The following PCDH11X variants were observed in gnomAD, a reference collection of about 807,000 sequenced individuals.
The protein encoded by PCDH11X is protocadherin 11 X-linked.
A neutral mutation model predicts 53.3 loss-of-function variants in PCDH11X; 18 were observed. The observed-to-expected ratio is 0.34, with a 90% CI of 0.23 to 0.50. The LOEUF (loss-of-function observed/expected upper bound fraction) is 0.50. Ranked by LOEUF, PCDH11X falls within the 20% of genes least tolerant of loss-of-function variation. PCDH11X has a pLI of 0.98. For missense variants in PCDH11X, 570 were observed against 1,032.4 expected (o/e 0.55, Z 6.14); for synonymous variants, 279 against 393.3 (o/e 0.71, Z 3.44).
chrX:92,620,475 C>T lies in PCDH11X; in HGVS notation c.*1535C>T, dbSNP rs1397685225. The T allele has an allele frequency of 6.1e-4, 29 of 47,209 alleles. No individual in the cohort carries two copies. Among genetic ancestry groups the T allele is most frequent in the African/African-American group, 1.9e-3 (23 of 12,007 alleles). 3.9% of individuals were successfully genotyped at this position (47,209 alleles called of 1,213,427 possible). A position where few individuals can be genotyped will look rare whatever the true frequency, so the allele number is the denominator to read the frequency against. ...AGAGACAATTGATGTTTAATGGGGG[C>T]GGTTGGGGTGGGGGGGGGAGTCAAT... is the stretch of plus-strand genomic sequence containing the variant. On this transcript the variant is annotated 3_prime_UTR_variant, in exon 11 of 11. Coordinates refer to ENST00000682573, the MANE Select transcript of PCDH11X (RefSeq NM_032968.5).
chrX:91,978,619 T>A (rs1165576298), intron 6 of PCDH11X, among the ~76,000 whole-genome samples: 1 of 110,324 alleles, frequency 9.1e-6, no homozygotes, highest in Non-Finnish European at 1.9e-5. Context: ...TCTCCCTACT[T>A]ATATTCTGTG....
At chrX:92,418,691 A>G (rs890643372) in intron 9 of PCDH11X, among the ~76,000 whole-genome samples, 11 of 110,281 alleles carry the variant, frequency 1.0e-4, no homozygotes, top group Non-Finnish European at 2.1e-4. Flanking sequence ...TCCTGGGCTC[A>G]AGTGGTCTTT....
chrX:92,045,168 A>G (rs183820830), intron 6 of PCDH11X, among the ~76,000 whole-genome samples: 2 of 109,341 alleles, frequency 1.8e-5, no homozygotes, highest in African/African-American at 3.4e-5. Context: ...CAAGACGTTC[A>G]TGATGTTTTA....
At chrX:92,222,260 G>T (rs1240880189) in intron 7 of PCDH11X, among the ~76,000 whole-genome samples, 1 of 111,448 alleles carries the variant, frequency 9.0e-6, no homozygotes, top group East Asian at 2.8e-4. Context: ...ATAATTTCAG[G>T]ACTTGTTTCT....
chrX:92,439,532 G>A (rs1460489409), intron 9 of PCDH11X, among the ~76,000 whole-genome samples: 1 of 109,568 alleles, frequency 9.1e-6, no homozygotes, highest in Non-Finnish European at 1.9e-5. Flanking sequence ...AATATATCTA[G>A]GAAAGTATGA....
chrX:92,229,182 G>A (rs1019353864), intron 7 of PCDH11X, among the ~76,000 whole-genome samples: 1 of 111,644 alleles, frequency 9.0e-6, no homozygotes, highest in Admixed American at 9.6e-5. Flanking sequence ...AAATTGGTCT[G>A]ACTTGGATGG....
intron 6 of PCDH11X, among the ~76,000 whole-genome samples, chrX:92,194,568 T>C (rs900938468): frequency 2.7e-5 from 3 of 111,882 alleles, no homozygotes; most frequent in African/African-American, 9.7e-5. Flanking sequence ...ATTTTTAAAG[T>C]TTAGTAAACT....
Position 91,824,527 on chromosome X carries a change from A to C in PCDH11X, c.-44-10934A>C, listed in dbSNP as rs1483409464. On this transcript the variant is annotated intron_variant, in intron 4 of 10. Coordinates refer to ENST00000682573, the MANE Select transcript of PCDH11X (RefSeq NM_032968.5). ...TTGAGCCTTGGTTTTCAGCTCCATCAGCTCCTTTAAGCACTTCTCTGTATT... is the reference window on the plus strand; with the variant it reads ...TTGAGCCTTGGTTTTCAGCTCCATCCGCTCCTTTAAGCACTTCTCTGTATT... 4.6e-5 allele frequency among the ~76,000 whole-genome samples: 5 copies of C among 109,722 alleles called. No individual in the cohort carries two copies. In the East Asian group the frequency reaches 1.1e-3, roughly 25 times the overall value.
intron 6 of PCDH11X, among the ~76,000 whole-genome samples, chrX:92,130,039 C>T (rs1368776675): frequency 1.8e-5 from 2 of 111,418 alleles, no homozygotes; most frequent in Non-Finnish European, 3.8e-5. Flanking sequence ...TAATATAAAT[C>T]CCTATATATG....
chrX:92,388,488 T>G (rs1325652052), intron 9 of PCDH11X, among the ~76,000 whole-genome samples: 1 of 105,216 alleles, frequency 9.5e-6, no homozygotes, highest in African/African-American at 3.4e-5. Context: ...GCACAAAATC[T>G]GTGTTTTGCA....
intron 6 of PCDH11X, among the ~76,000 whole-genome samples, chrX:92,011,926 A>C (rs769192836): frequency 9.0e-6 from 1 of 110,593 alleles, no homozygotes; most frequent in South Asian, 3.8e-4. Flanking sequence ...CTCAGAATCT[A>C]GGCCTTCTTT....
In PCDH11X at chrX:92,184,153, C is replaced by T. The variant is rs867406658; in HGVS notation, c.3034-17222C>T. Among the ~76,000 whole-genome samples, 7 of 111,273 alleles carry T rather than the reference C, an allele frequency of 6.3e-5. No homozygotes were observed. In the Middle Eastern group the frequency reaches 0.014, roughly 222 times the overall value. On this transcript the variant is annotated intron_variant, in intron 6 of 10. Transcript: ENST00000682573. ...ATGAGTGAATGACTGTATGAGAACC[C>T]TTGTCTTTTGTCCCATGCAATTCAC... is the stretch of plus-strand genomic sequence containing the variant.
chrX:92,014,019 C>G (rs1484020078), intron 6 of PCDH11X, among the ~76,000 whole-genome samples: 4 of 111,650 alleles, frequency 3.6e-5, no homozygotes, highest in Non-Finnish European at 5.6e-5. Flanking sequence ...CAACAAAAGC[C>G]AAAATTGACA....
At chrX:91,970,138 C>T (rs1346358996) in intron 6 of PCDH11X, among the ~76,000 whole-genome samples, 1 of 110,863 alleles carries the variant, frequency 9.0e-6, no homozygotes, top group Non-Finnish European at 1.9e-5. Context: ...CGAATGAAGC[C>T]GCAGACCTTC....
chrX:92,050,304 T>C (rs1262435106), intron 6 of PCDH11X, among the ~76,000 whole-genome samples: 3 of 101,230 alleles, frequency 3.0e-5, no homozygotes, highest in Non-Finnish European at 6.0e-5. Context: ...AAGTTAGGTA[T>C]GGATGTAAAT....
At chrX:92,460,790 C>T in intron 9 of PCDH11X, 4 of 1,148,593 alleles carry the variant, frequency 3.5e-6, no homozygotes, top group South Asian at 1.8e-5. Context: ...AGGCTGAGAT[C>T]GCCACCTACC....
intron 5 of PCDH11X, among the ~76,000 whole-genome samples, chrX:91,857,818 G>A (rs1295570934): frequency 8.9e-6 from 1 of 111,916 alleles, no homozygotes; most frequent in African/African-American, 3.3e-5. Context: ...TGATTTCATA[G>A]GCTGGCATTG....
chrX:92,462,334 T>C (rs929064990), intron 9 of PCDH11X, among the ~76,000 whole-genome samples: 1 of 110,712 alleles, frequency 9.0e-6, no homozygotes, highest in Non-Finnish European at 1.9e-5. Flanking sequence ...GAGGCATGTA[T>C]TTTGTCTGCA....
chrX:91,802,131 G>A (rs765458597), intron 1 of PCDH11X, among the ~76,000 whole-genome samples: 4 of 113,197 alleles, frequency 3.5e-5, no homozygotes, highest in Non-Finnish European at 7.5e-5. Context: ...GAAAGATGGA[G>A]TAACATGTCT....
Sources: allele counts gnomAD v4.1 joint callset (sites outside exome capture counted in the v4.1 genomes callset), GRCh38; gene constraint gnomAD v4.1.1; transcripts MANE v1.5; gene names NCBI Gene and HGNC (gene_info 2026-07-23, HGNC 2026-07-21).